The following SMPD3 variants were observed in gnomAD, a reference collection of about 807,000 sequenced individuals.
SMPD3 encodes the protein sphingomyelin phosphodiesterase 3, also known as nSMase-2.
Under a neutral mutation model 55.7 loss-of-function variants are expected in SMPD3, and 21 were observed. That is an observed-to-expected ratio of 0.38 (90% CI 0.27 to 0.54). The LOEUF (loss-of-function observed/expected upper bound fraction) is 0.54. Among genes scored for constraint, SMPD3 ranks in the 20% least tolerant of loss-of-function variants. SMPD3 has a pLI of 0.80. For missense variants in SMPD3, 842 were observed against 899.6 expected (o/e 0.94, Z 0.82); for synonymous variants, 457 against 404.3 (o/e 1.13, Z -1.56).
At chr16:68,418,961 G>A (rs1487711642) in intron 1 of SMPD3, among the ~76,000 whole-genome samples, 1 of 152,222 alleles carries the variant, frequency 6.6e-6, no homozygotes. Flanking sequence ...GATGGTGTGA[G>A]TGCAGGATGC....
intron 1 of SMPD3, among the ~76,000 whole-genome samples, chr16:68,445,328 C>A (rs1157896660): frequency 6.6e-6 from 1 of 152,172 alleles, no homozygotes; most frequent in Non-Finnish European, 1.5e-5. Flanking sequence ...TCTCTTTGGC[C>A]TTGATAAGTG....
intron 1 of SMPD3, among the ~76,000 whole-genome samples, chr16:68,415,804 C>CTTTTTTTTT (rs5817637): frequency 7.5e-6 from 1 of 133,768 alleles, no homozygotes; most frequent in Non-Finnish European, 1.6e-5. Flanking sequence ...ACCTCTTCAG[C>CTTTTTTTTT]TTTTTTTTTT....
intron 7 of SMPD3, among the ~76,000 whole-genome samples, chr16:68,362,617 A>G (rs575597054): frequency 3.3e-5 from 5 of 152,362 alleles, no homozygotes; most frequent in African/African-American, 1.2e-4. Context: ...CAGGTCTGTG[A>G]GTGCCTGGAC....
intron 1 of SMPD3, among the ~76,000 whole-genome samples, chr16:68,408,881 T>G (rs2090273636): frequency 6.6e-6 from 1 of 151,922 alleles, no homozygotes. Context: ...ACAGGAAAGG[T>G]GGGCAGTTAT....
At position 68,360,557 on chromosome 16, in the gene SMPD3, TTC is replaced by T. The variant is rs1474178423; in HGVS notation, c.*647_*648del. ...AGGGTTGGTTTTGTGATTAACCTTT[TTC>T]TGTTTTTCTTTTTAAAATGTAATTG... On this transcript the variant is annotated 3_prime_UTR_variant, in exon 9 of 9. Coordinates refer to ENST00000219334, the MANE Select transcript of SMPD3 (RefSeq NM_018667.4). 1 of 152,964 alleles carries T rather than the reference TTC, an allele frequency of 6.5e-6. No homozygotes were observed. Among genetic ancestry groups the T allele is most frequent in the African/African-American group, 2.4e-5 (1 of 41,454 alleles). The allele number at this position is 152,964 out of a possible 1,614,324, so 9.5% of individuals were successfully genotyped here. A position where few individuals can be genotyped will look rare whatever the true frequency, so the allele number is the denominator to read the frequency against.
chr16:68,377,866 G>A (rs2089857910), intron 2 of SMPD3, among the ~76,000 whole-genome samples: 1 of 152,222 alleles, frequency 6.6e-6, no homozygotes, highest in Non-Finnish European at 1.5e-5. Flanking sequence ...AAGTGAACAA[G>A]CCAGACCAGT....
chr16:68,358,634 T>C lies in SMPD3; in HGVS notation c.*2572A>G, dbSNP rs1567762213. ...AGCAATAGTTAAAAAGCATCAAGATTAATATACTTAAAACTTAAGGTGGTT... is the reference window on the plus strand; with the variant it reads ...AGCAATAGTTAAAAAGCATCAAGATCAATATACTTAAAACTTAAGGTGGTT... On this transcript the variant is annotated 3_prime_UTR_variant, in exon 9 of 9. Transcript: ENST00000219334. 1.3e-5 allele frequency: 2 copies of C among 152,666 alleles called. No individual in the cohort carries two copies. Among genetic ancestry groups the C allele is most frequent in the Non-Finnish European group, 2.9e-5 (2 of 68,046 alleles). 9.5% of individuals were successfully genotyped at this position (152,666 alleles called of 1,614,324 possible). A position where few individuals can be genotyped will look rare whatever the true frequency, so the allele number is the denominator to read the frequency against.
Position 68,371,639 on chromosome 16 carries a change from G to T in SMPD3, c.543C>A (p.Ala181=). The T allele has an allele frequency of 1.3e-6, 2 of 1,564,628 alleles. No homozygotes were observed. The highest frequency in any genetic ancestry group is 2.4e-5 in the South Asian group (2 of 82,838). ...IDSPTNTSIS[A]ASFSSLVSPQ... ...GTGACACCAGGCTGCTGAAGCTAGC[G>T]GCGCTGATGGAGGTATTGGTGGGGG... Residue 181 remains alanine (A), a synonymous_variant, in exon 3 of 9, where the codon GCC becomes GCA. Transcript: ENST00000219334.
intron 1 of SMPD3, among the ~76,000 whole-genome samples, chr16:68,442,766 G>A (rs2090577203): frequency 6.6e-6 from 1 of 152,210 alleles, no homozygotes; most frequent in Non-Finnish European, 1.5e-5. Flanking sequence ...TTCTGATGCT[G>A]AGGAGAGTTA....
intron 1 of SMPD3, among the ~76,000 whole-genome samples, chr16:68,416,509 T>C (rs903902496): frequency 9.2e-5 from 14 of 152,248 alleles, no homozygotes; most frequent in Admixed American, 2.6e-4. Flanking sequence ...AGGCCGTTGT[T>C]GTCTTCTAAC....
intron 3 of SMPD3, among the ~76,000 whole-genome samples, chr16:68,370,617 C>CA (rs1362682692): frequency 1.8e-5 from 1 of 56,868 alleles, no homozygotes; most frequent in African/African-American, 2.2e-4. Flanking sequence ...AGGAACGGGC[C>CA]CAGATCACCC....
At chr16:68,382,544 G>C (rs988376416) in intron 2 of SMPD3, among the ~76,000 whole-genome samples, 3 of 152,256 alleles carry the variant, frequency 2.0e-5, no homozygotes, top group African/African-American at 7.2e-5. Flanking sequence ...GTCCCCGAGG[G>C]AGGGTGTGGA....
rs534175371 is a variant in SMPD3 at position 68,375,572 on chromosome 16, A to G, written c.-206-3185T>C. On this transcript the variant is annotated intron_variant, in intron 2 of 8. Coordinates refer to ENST00000219334, the MANE Select transcript of SMPD3 (RefSeq NM_018667.4). ...GGCGCATCCCTGACACTGGCCCATC[A>G]GGGCTGGGATCTGCTATTGGCTGAG... 3.3e-5 allele frequency among the ~76,000 whole-genome samples: 5 copies of G among 152,264 alleles called. No individual in the cohort carries two copies. The South Asian group carries it at 1.0e-3, about 32-fold the overall frequency.
At chr16:68,364,931 G>A (rs1483112918) in intron 4 of SMPD3, 25 bp from the exon 5 acceptor site, 5 of 1,612,716 alleles carry the variant, frequency 3.1e-6, no homozygotes, top group African/African-American at 1.3e-5. Context: ...TACAGAGACT[G>A]GATGATGAAG....
At chr16:68,446,220 G>T (rs2090608306) in intron 1 of SMPD3, among the ~76,000 whole-genome samples, 1 of 152,192 alleles carries the variant, frequency 6.6e-6, no homozygotes, top group South Asian at 2.1e-4. Context: ...AATGGGAAGG[G>T]CAGGGCACTG....
chr16:68,411,135 C>T (rs1398909467), intron 1 of SMPD3, among the ~76,000 whole-genome samples: 1 of 152,268 alleles, frequency 6.6e-6, no homozygotes, highest in Non-Finnish European at 1.5e-5. Flanking sequence ...GGAGGGCAGC[C>T]TCCAGGCAAA....
chr16:68,361,407 G>T (rs2089257139), intron 8 of SMPD3, 100 bp from the exon 9 acceptor site: 3 of 1,407,244 alleles, frequency 2.1e-6, no homozygotes, highest in South Asian at 2.6e-5. Flanking sequence ...CCGGGGCTGG[G>T]GTGGGCTGGG....
chr16:68,386,692 C>T (rs369701390), intron 1 of SMPD3, 33 bp from the exon 2 acceptor site: 1 of 152,228 alleles, frequency 6.6e-6, no homozygotes, highest in East Asian at 1.9e-4. Context: ...CAGGGGTGCC[C>T]GGAACAATCT....
intron 1 of SMPD3, among the ~76,000 whole-genome samples, chr16:68,418,350 T>C (rs2090355922): frequency 6.7e-6 from 1 of 148,504 alleles, no homozygotes; most frequent in Non-Finnish European, 1.5e-5. Context: ...TTTATGTAAA[T>C]GAAGCCTTCA....
Sources: allele counts gnomAD v4.1 joint callset (sites outside exome capture counted in the v4.1 genomes callset), GRCh38; gene constraint gnomAD v4.1.1; transcripts MANE v1.5; gene names NCBI Gene and HGNC (gene_info 2026-07-23, HGNC 2026-07-21).